Variants in GZF1 observed in about 807,000 individuals in gnomAD.
GZF1 encodes the protein GDNF inducible zinc finger protein 1, also known as GDNF-inducible zinc finger protein 1.
GZF1 carries 28 observed loss-of-function variants against 49.4 expected under a neutral mutation model. That is an observed-to-expected ratio of 0.57 (90% CI 0.42 to 0.78). The LOEUF is 0.78. GZF1 is among the 30% of genes least tolerant of loss of function. The probability of loss-of-function intolerance (pLI) is 0.00; values close to 1 mark genes in which losing one functional copy is unlikely to be tolerated. For synonymous variants in GZF1, 364 were observed against 356.0 expected (o/e 1.02, Z -0.25); for missense variants, 798 against 916.2 (o/e 0.87, Z 1.67).
rs377070623 is a variant in GZF1 at position 23,365,659 on chromosome 20, G to C, written c.1276G>C (p.Glu426Gln). 3 of 1,600,276 alleles carry C rather than the reference G, an allele frequency of 1.9e-6. No individual in the cohort carries two copies. The African/African-American group carries it at 4.0e-5, about 21-fold the overall frequency. ...LSSKTALRLH[E>Q]RTHTGDRPYG... ...TTCCAAGACAGCGCTGCGGCTGCACGAGCGCACACACACGGGAGACCGGCC... is the reference window on the plus strand; with the variant it reads ...TTCCAAGACAGCGCTGCGGCTGCACCAGCGCACACACACGGGAGACCGGCC... Residue 426 changes from glutamate to glutamine, a missense_variant, in exon 2 of 6, where the codon GAG (glutamate) becomes CAG (glutamine). Transcript: ENST00000338121.
rs373459521 is a variant in GZF1 at position 23,364,001 on chromosome 20, A to G, written c.-21-362A>G. On this transcript the variant is annotated intron_variant, in intron 1 of 5. Coordinates refer to ENST00000338121, the MANE Select transcript of GZF1 (RefSeq NM_022482.5). ...TGGTTTCCTGATCAGAGAACTAGAC[A>G]TTATTGTTGCCATGAATTCTTTTAC... Among the ~76,000 whole-genome samples the G allele has an allele frequency of 3.9e-5, 6 of 152,250 alleles. 1 individual carries two copies. The highest frequency in any genetic ancestry group is 3.3e-4 in the Admixed American group (5 of 15,284).
In GZF1 at chr20:23,364,834, G is replaced by T. The variant is rs767723250; in HGVS notation, c.451G>T (p.Val151Leu). The change falls in exon 2 of 6, where the codon GTG (valine) becomes TTG (leucine). Residue 151 changes from valine (V) to leucine (L), a missense_variant. Val to Leu is a conservative substitution (Grantham distance 32). Coordinates refer to ENST00000338121, the MANE Select transcript of GZF1 (RefSeq NM_022482.5). ...TTTCTCAGAGTCTCAGGAGGTGGAG[G>T]TGAGCAGTGGCTCCCAAGTTAGTGC... ...QNFSESQEVE[V>L]SSGSQVSAAP... The T allele has an allele frequency of 4.3e-6, 7 of 1,614,098 alleles. No homozygotes were observed. In the Admixed American group the frequency reaches 5.0e-5, roughly 12 times the overall value.
chr20:23,369,946 G>T, intron 5 of GZF1, 145 bp from the exon 6 acceptor site: 1 of 878,652 alleles, frequency 1.1e-6, no homozygotes. Context: ...CATCCACGAT[G>T]ACTACTCTGT....
rs370629303 is a variant in GZF1 at position 23,364,629 on chromosome 20, G to T, written c.246G>T (p.Val82=). ...GTRTNVYLNE[V]QVADFASFLE... ...GGACTAATGTCTACTTAAATGAAGT[G>T]CAGGTTGCTGACTTTGCTTCATTTC... The change falls in exon 2 of 6, where the codon GTG becomes GTT. Residue 82 remains valine (V), a synonymous_variant. Coordinates refer to ENST00000338121, the MANE Select transcript of GZF1 (RefSeq NM_022482.5). 3.7e-6 allele frequency: 6 copies of T among 1,614,110 alleles called. No individual in the cohort carries two copies. Among genetic ancestry groups the T allele is most frequent in the Non-Finnish European group, 5.1e-6 (6 of 1,180,030 alleles).
At chr20:23,362,085 C>T (rs1980718003), upstream of GZF1, 1 of 152,230 alleles carries the variant, frequency 6.6e-6, no homozygotes, top group African/African-American at 2.4e-5. Flanking sequence ...TCCTCAGCCC[C>T]GCCAGGGGCG....
At chr20:23,370,040 C>A in intron 5 of GZF1, 51 bp from the exon 6 acceptor site, 1 of 1,453,656 alleles carries the variant, frequency 6.9e-7, no homozygotes, top group Non-Finnish European at 9.6e-7. Context: ...TTAAAAGATG[C>A]ACTTGTCCAG....
At chr20:23,366,238 G>C (rs181243840) in intron 2 of GZF1, among the ~76,000 whole-genome samples, 3 of 152,314 alleles carry the variant, frequency 2.0e-5, no homozygotes, top group African/African-American at 4.8e-5. Context: ...AGTGCTTTCT[G>C]TTTCTTAATA....
chr20:23,366,889 C>G, intron 2 of GZF1, 114 bp from the exon 3 acceptor site: 1 of 730,704 alleles, frequency 1.4e-6, no homozygotes, highest in Non-Finnish European at 2.4e-6. Flanking sequence ...TCACTACAGT[C>G]ATTCTCATTA....
In GZF1 at chr20:23,365,305, G is replaced by A. The variant is rs1232709119; in HGVS notation, c.922G>A (p.Glu308Lys). The change falls in exon 2 of 6, where the codon GAA (glutamate) becomes AAA (lysine). Residue 308 changes from glutamate (E) to lysine (K), a missense_variant. Physicochemically the swap from Glu to Lys is moderately conservative, Grantham distance 56. Coordinates refer to ENST00000338121, the MANE Select transcript of GZF1 (RefSeq NM_022482.5). ...GGAAGAGGAGGAGGAGGAGGAGGAC[G>A]AAGAAGGGGAGAAGAAGAAGAGCAA... ...EEEEEEEEEDEEGEKKKSNFK... is the reference protein window; with the variant it reads ...EEEEEEEEEDKEGEKKKSNFK... 2 of 1,607,466 alleles carry A rather than the reference G, an allele frequency of 1.2e-6. No individual in the cohort carries two copies. The highest frequency in any genetic ancestry group is 1.7e-6 in the Non-Finnish European group (2 of 1,175,808).
At chr20:23,364,256 G>C (rs762221613) in intron 1 of GZF1, 107 bp from the exon 2 acceptor site, 13 of 614,064 alleles carry the variant, frequency 2.1e-5, no homozygotes, top group Non-Finnish European at 3.6e-5. Context: ...AGTAAAGCTA[G>C]GTTGTTAATG....
Position 23,370,221 on chromosome 20 carries a change from T to C in GZF1, c.1916T>C (p.Leu639Pro), listed in dbSNP as rs754112665. The C allele has an allele frequency of 1.9e-6, 3 of 1,614,210 alleles. No individual in the cohort carries two copies. The highest frequency in any genetic ancestry group is 1.1e-5 in the South Asian group (1 of 91,084). ...TCATCCAAGCTTTCGGATAAATTGC[T>C]GTCTTTTGCAGAAAATGGCCATTTC... ...YVSSKLSDKL[L>P]SFAENGHFHN... Residue 639 changes from leucine (L) to proline (P), a missense_variant, in exon 6 of 6, where the codon CTG becomes CCG. This residue lies in a region of GZF1 where 446 missense variants were observed against 540.1 expected (regional missense o/e 0.83). Coordinates refer to ENST00000338121, the MANE Select transcript of GZF1 (RefSeq NM_022482.5).
At chr20:23,368,956 G>T (rs1285842717) in intron 4 of GZF1, 27 bp downstream of exon 4, 10 of 1,554,864 alleles carry the variant, frequency 6.4e-6, no homozygotes, top group Non-Finnish European at 8.7e-6. Flanking sequence ...CCAGGGAAGG[G>T]AGTTTAGTTT....
At position 23,364,232 on chromosome 20, in the gene GZF1, C is replaced by T. The variant is rs187795545; in HGVS notation, c.-21-131C>T. The T allele has an allele frequency of 2.6e-4, 138 of 535,338 alleles. 1 individual carries two copies. Among genetic ancestry groups the T allele is most frequent in the Admixed American group, 1.1e-3 (30 of 27,818 alleles). 33.2% of individuals were successfully genotyped at this position (535,338 alleles called of 1,614,324 possible). A position where few individuals can be genotyped will look rare whatever the true frequency, so the allele number is the denominator to read the frequency against. ...AACTGCTAAGAAGTAAAATGTCATT[C>T]GAATCTTTACCTGAGTAAAGCTAGG... is the stretch of plus-strand genomic sequence containing the variant. On this transcript the variant is annotated intron_variant, in intron 1 of 5. Transcript: ENST00000338121.
At chr20:23,368,663 C>A in intron 3 of GZF1, 99 bp from the exon 4 acceptor site, 2 of 702,360 alleles carry the variant, frequency 2.8e-6, no homozygotes, top group Admixed American at 3.5e-5. Context: ...CCTACCAAGG[C>A]ACTTTTGAGT....
At chr20:23,369,538 G>C in intron 4 of GZF1, 46 bp from the exon 5 acceptor site, 1 of 1,549,434 alleles carries the variant, frequency 6.5e-7, no homozygotes, top group Non-Finnish European at 8.8e-7. Context: ...ATTAAGCACA[G>C]TAGGCCAAAG....
Position 23,370,544 on chromosome 20 carries a change from C to A in GZF1, c.*103C>A. On this transcript the variant is annotated 3_prime_UTR_variant, in exon 6 of 6. Coordinates refer to ENST00000338121, the MANE Select transcript of GZF1 (RefSeq NM_022482.5). Reference sequence around the variant, plus strand: ...AATTGTCCATGTGCAAAGATGTGGGCAAGAATGGCCTCTGCAGATTTTCCT... The same window carrying A: ...AATTGTCCATGTGCAAAGATGTGGGAAAGAATGGCCTCTGCAGATTTTCCT... The A allele has an allele frequency of 2.6e-6, 2 of 766,332 alleles. No homozygotes were observed. Among genetic ancestry groups the A allele is most frequent in the Non-Finnish European group, 4.3e-6 (2 of 462,068 alleles). 47.5% of individuals were successfully genotyped at this position (766,332 alleles called of 1,614,324 possible).
intron 1 of GZF1, chr20:23,363,137 G>T (rs1980890106): frequency 6.6e-6 from 1 of 152,264 alleles, no homozygotes; most frequent in African/African-American, 2.4e-5. Flanking sequence ...CTAGTTGTGG[G>T]GAGCGGTCTC....
rs1981919126 is a variant in GZF1, at chr20:23,370,148, A to G, written c.1843A>G (p.Lys615Glu). Residue 615 changes from lysine to glutamate, a missense_variant, in exon 6 of 6, where the codon AAG (lysine) becomes GAG (glutamate). Physicochemically the swap from Lys to Glu is moderately conservative, Grantham distance 56. This residue lies in a region of GZF1 where 446 missense variants were observed against 540.1 expected (regional missense o/e 0.83). Transcript: ENST00000338121. ...SFLVIVDGSPKNDDGHKTEQP... is the reference protein window; with the variant it reads ...SFLVIVDGSPENDDGHKTEQP... ...CCTTGTCATTGTAGATGGCTCGCCC[A>G]AGAACGATGACGGACACAAGACTGA... is the stretch of plus-strand genomic sequence containing the variant. 6.2e-7 allele frequency: 1 copy of G among 1,614,276 alleles called. No homozygotes were observed. Among genetic ancestry groups the G allele is most frequent in the Non-Finnish European group, 8.5e-7 (1 of 1,180,046 alleles).
Position 23,364,505 on chromosome 20 carries a change from G to T in GZF1, c.122G>T (p.Gly41Val). Residue 41 changes from glycine to valine, a missense_variant, in exon 2 of 6, where the codon GGT (glycine) becomes GTT (valine). Physicochemically the swap from Gly to Val is moderately radical, Grantham distance 109. This residue lies in a region of GZF1 where 105 missense variants were observed against 147.5 expected (regional missense o/e 0.71). Transcript: ENST00000338121. ...GTGACAGTCAGCGTGGAGTATCAGGGTGTCCGCAAAGACTTCATGGCCCAC... is the reference window on the plus strand; with the variant it reads ...GTGACAGTCAGCGTGGAGTATCAGGTTGTCCGCAAAGACTTCATGGCCCAC... ...CDVTVSVEYQ[G>V]VRKDFMAHKA... The T allele has an allele frequency of 6.2e-7, 1 of 1,614,230 alleles. No homozygotes were observed. Among genetic ancestry groups the T allele is most frequent in the Non-Finnish European group, 8.5e-7 (1 of 1,180,046 alleles).
Sources: allele counts gnomAD v4.1 joint callset (sites outside exome capture counted in the v4.1 genomes callset), GRCh38; gene constraint gnomAD v4.1.1; regional missense constraint gnomAD v4.1.1; transcripts MANE v1.5; gene names NCBI Gene and HGNC (gene_info 2026-07-23, HGNC 2026-07-21).